Variants in KCNIP4 observed in about 807,000 individuals in gnomAD.
KCNIP4 encodes the protein potassium voltage-gated channel interacting protein 4, also known as Kv channel-interacting protein 4.
In KCNIP4, 12 loss-of-function variants were observed where a neutral mutation model predicts 34.0. That is an observed-to-expected ratio of 0.35 (90% CI 0.23 to 0.57). The LOEUF (loss-of-function observed/expected upper bound fraction) is 0.57. KCNIP4 is among the 20% of genes least tolerant of loss of function. KCNIP4 has a pLI of 0.83. For missense variants in KCNIP4, 238 were observed against 311.7 expected, an observed-to-expected ratio of 0.76 and a Z score of 1.78; for synonymous variants, 124 against 102.2, an observed-to-expected ratio of 1.21 and a Z score of -1.29.
chr4:20,837,256 C>G lies in KCNIP4; in HGVS notation c.288+13287G>C, dbSNP rs77028255. Among the ~76,000 whole-genome samples the G allele has an allele frequency of 1.6e-3, 236 of 152,152 alleles. 5 individuals carry two copies. In the East Asian group the frequency reaches 0.041, roughly 27 times the overall value. ...GACACATTCTCCTCCCTTGTATTTTCCTGAAATTAAATTAGTCAACACAGA... is the reference window on the plus strand; with the variant it reads ...GACACATTCTCCTCCCTTGTATTTTGCTGAAATTAAATTAGTCAACACAGA... On this transcript the variant is annotated intron_variant, in intron 3 of 8. Transcript: ENST00000382152.
At chr4:20,859,858 G>A (rs2149493355) in intron 2 of KCNIP4, among the ~76,000 whole-genome samples, 1 of 152,258 alleles carries the variant, frequency 6.6e-6, no homozygotes, top group East Asian at 1.9e-4. Context: ...GTCTTCTAAT[G>A]CAGAAAACAA....
chr4:21,855,637 C>T (rs1171716530), intron 1 of KCNIP4: 2 of 152,152 alleles, frequency 1.3e-5, no homozygotes, highest in African/African-American at 4.8e-5. Context: ...TCTATAAGTT[C>T]TTATCCATAT....
intron 1 of KCNIP4, among the ~76,000 whole-genome samples, chr4:20,981,357 T>C (rs1322261953): frequency 1.3e-5 from 2 of 152,228 alleles, no homozygotes; most frequent in Non-Finnish European, 2.9e-5. Context: ...AGAAATTACA[T>C]GCCCATTATA....
At chr4:21,586,178 T>C (rs1741591934) in intron 1 of KCNIP4, among the ~76,000 whole-genome samples, 1 of 152,096 alleles carries the variant, frequency 6.6e-6, no homozygotes, top group Admixed American at 6.6e-5. Flanking sequence ...TCTAGTATCA[T>C]CCTGTAGTTT....
Position 20,730,058 on chromosome 4 carries a change from T to TGGATTCAGGATCTATTTGACAAGTTAA in KCNIP4, c.750_*23dup. ...GGTAGAATAGTTCACATTTGTCTGT[T>TGGATTCAGGATCTATTTGACAAGTTAA]GGATTCAGGATCTATTTGACAAGTT... On this transcript the variant is annotated 3_prime_UTR_variant, in exon 9 of 9. Coordinates refer to ENST00000382152, the MANE Select transcript of KCNIP4 (RefSeq NM_025221.6). The TGGATTCAGGATCTATTTGACAAGTTAA allele has an allele frequency of 6.2e-7, 1 of 1,601,976 alleles. No individual in the cohort carries two copies. The highest frequency in any genetic ancestry group is 1.3e-5 in the African/African-American group (1 of 74,384).
intron 1 of KCNIP4, among the ~76,000 whole-genome samples, chr4:21,259,920 T>C (rs10033417): frequency 0.096 from 14,343 of 150,148 alleles, 2,282 homozygotes; most frequent in African/African-American, 0.33. Flanking sequence ...TGTGTGTGTG[T>C]GCACGTGCGC....
intron 1 of KCNIP4, among the ~76,000 whole-genome samples, chr4:21,609,807 G>T (rs143079955): frequency 3.6e-4 from 55 of 152,314 alleles, no homozygotes; most frequent in African/African-American, 1.3e-3. Flanking sequence ...TATGTGCTAA[G>T]ACTGTGTTAA....
chr4:20,757,517 C>T (rs928130014), intron 4 of KCNIP4, among the ~76,000 whole-genome samples: 2 of 152,092 alleles, frequency 1.3e-5, no homozygotes, highest in African/African-American at 2.4e-5. Flanking sequence ...ATTTCACCCT[C>T]CATTGTACAC....
chr4:21,696,427 C>G (rs1183886321), intron 1 of KCNIP4, among the ~76,000 whole-genome samples: 3 of 152,056 alleles, frequency 2.0e-5, no homozygotes, highest in African/African-American at 7.2e-5. Context: ...TTTCTTTACT[C>G]TTTTTTTCTC....
At chr4:21,452,955 T>C (rs1560420089) in intron 1 of KCNIP4, among the ~76,000 whole-genome samples, 2 of 152,150 alleles carry the variant, frequency 1.3e-5, no homozygotes, top group Non-Finnish European at 2.9e-5. Flanking sequence ...CATATATACT[T>C]ATTCAAGAAG....
At chr4:21,267,417 G>A (rs1383240348) in intron 1 of KCNIP4, among the ~76,000 whole-genome samples, 1 of 151,482 alleles carries the variant, frequency 6.6e-6, no homozygotes, top group Non-Finnish European at 1.5e-5. Flanking sequence ...GGGCATCCCT[G>A]TCTTGTGCCA....
In KCNIP4 at chr4:21,234,400, ATAT is replaced by A. The variant is rs1021885104; in HGVS notation, c.62-351694_62-351692del. Among the ~76,000 whole-genome samples, 20 of 119,926 alleles carry A rather than the reference ATAT, an allele frequency of 1.7e-4. 1 individual carries two copies. Among genetic ancestry groups the A allele is most frequent in the Non-Finnish European group, 2.8e-4 (17 of 60,264 alleles). 78.7% of individuals were successfully genotyped at this position (119,926 alleles called of 152,430 possible). ...ATACATCATACATAACATATATAAT[ATAT>A]TATATAACATATACTATATATATTA... On this transcript the variant is annotated intron_variant, in intron 1 of 8. Transcript: ENST00000382152.
intron 1 of KCNIP4, among the ~76,000 whole-genome samples, chr4:21,486,322 G>A (rs562617181): frequency 2.2e-4 from 33 of 152,214 alleles, no homozygotes; most frequent in African/African-American, 7.5e-4. Context: ...TTTGGGCTTG[G>A]ATTGGGACAC....
chr4:20,805,186 CTTTTTTTT>C (rs10552321), intron 3 of KCNIP4, among the ~76,000 whole-genome samples: 7 of 92,078 alleles, frequency 7.6e-5, no homozygotes, highest in Non-Finnish European at 1.2e-4. Flanking sequence ...TAGATGCTTC[CTTTTTTTT>C]TTTTTTTTTT....
At chr4:21,398,998 TA>T (rs892158577) in intron 1 of KCNIP4, among the ~76,000 whole-genome samples, 8 of 152,226 alleles carry the variant, frequency 5.3e-5, no homozygotes, top group Non-Finnish European at 1.2e-4. Flanking sequence ...AAAATCTGTT[TA>T]AAAAATAATT....
intron 1 of KCNIP4, among the ~76,000 whole-genome samples, chr4:20,904,497 A>C (rs1727520488): frequency 1.3e-5 from 2 of 151,932 alleles, no homozygotes; most frequent in Admixed American, 1.3e-4. Context: ...TAATTTCCAC[A>C]CTATCTCTCT....
intron 1 of KCNIP4, among the ~76,000 whole-genome samples, chr4:21,558,407 G>A (rs1739247366): frequency 6.6e-6 from 1 of 151,946 alleles, no homozygotes; most frequent in African/African-American, 2.4e-5. Context: ...CAGGATAATT[G>A]CTTGAACCTG....
chr4:21,410,785 G>T (rs1351120520), intron 1 of KCNIP4, among the ~76,000 whole-genome samples: 2 of 152,136 alleles, frequency 1.3e-5, no homozygotes, highest in African/African-American at 4.8e-5. Context: ...TAAATAACTA[G>T]TAAAAGCATG....
intron 1 of KCNIP4, among the ~76,000 whole-genome samples, chr4:21,353,824 G>A (rs955219651): frequency 2.6e-5 from 4 of 152,038 alleles, no homozygotes; most frequent in Admixed American, 2.0e-4. Flanking sequence ...CTTGAGAAGA[G>A]CAACCCCAAG....
Sources: gnomAD v4.1 joint callset for allele counts (sites outside exome capture counted in the v4.1 genomes callset) on GRCh38, gnomAD v4.1.1 for gene constraint, MANE v1.5 for transcripts, NCBI Gene and HGNC (gene_info 2026-07-23, HGNC 2026-07-21) for gene names.